Variants in GNG7 observed in about 807,000 individuals in gnomAD.
GNG7 encodes guanine nucleotide-binding protein G(I)/G(S)/G(O) subunit gamma-7.
In GNG7, 1 loss-of-function variant was observed where a neutral mutation model predicts 4.0. That is an observed-to-expected ratio of 0.25 (90% CI 0.09 to 1.18). The LOEUF is 1.18. Among genes scored for constraint, GNG7 ranks in the 50% most tolerant of loss-of-function variants. GNG7 has a pLI of 0.50. For synonymous variants in GNG7, 34 were observed against 36.9 expected (o/e 0.92, Z 0.29); for missense variants, 86 against 91.9 (o/e 0.94, Z 0.26).
intron 1 of GNG7, chr19:2,683,563 T>A (rs1005444810): frequency 1.3e-5 from 2 of 152,270 alleles, no homozygotes; most frequent in African/African-American, 4.8e-5. Context: ...ATGCAGGCTC[T>A]GATAAAGACT....
At chr19:2,599,284 T>C (rs1350874930) in intron 2 of GNG7, among the ~76,000 whole-genome samples, 3 of 151,996 alleles carry the variant, frequency 2.0e-5, no homozygotes, top group Non-Finnish European at 4.4e-5. Context: ...TGCTTGAGTA[T>C]CTCGAAGATC....
rs1020628863 is a variant in GNG7 at position 2,618,857 on chromosome 19, C to T, written c.-78+27367G>A. On this transcript the variant is annotated intron_variant, in intron 2 of 4. Coordinates refer to ENST00000382159, the MANE Select transcript of GNG7 (RefSeq NM_052847.3). This position sits in a 1 kb window ranked among gnomAD's most constrained non-coding sequence, Gnocchi z 5.1. ...GCGATTCAGCTTCCCTCAGTTTTCC[C>T]CTCACGACCTTTCCTGCCCCATTGT... 9.9e-5 allele frequency among the ~76,000 whole-genome samples: 15 copies of T among 152,046 alleles called. No individual in the cohort carries two copies.
At chr19:2,680,574 T>A (rs1164953067) in intron 1 of GNG7, among the ~76,000 whole-genome samples, 3 of 144,490 alleles carry the variant, frequency 2.1e-5, no homozygotes, top group African/African-American at 8.2e-5. Context: ...ATTTACAATT[T>A]TTTTTTTTTT....
At chr19:2,579,055 A>G (rs1980424895) in intron 2 of GNG7, among the ~76,000 whole-genome samples, 2 of 152,158 alleles carry the variant, frequency 1.3e-5, no homozygotes, top group South Asian at 4.1e-4. Context: ...AAAACATCCC[A>G]AGAATGCACA....
intron 2 of GNG7, among the ~76,000 whole-genome samples, chr19:2,596,000 G>A (rs1981007753): frequency 6.6e-6 from 1 of 152,022 alleles, no homozygotes. Context: ...CTGCATGCTT[G>A]TTACTCTACT....
chr19:2,512,626 G>A lies in GNG7; in HGVS notation c.*2396C>T, dbSNP rs576208008. On this transcript the variant is annotated 3_prime_UTR_variant, in exon 5 of 5. Transcript: ENST00000382159. This position sits in a 1 kb window ranked among gnomAD's most constrained non-coding sequence, Gnocchi z 4.7. ...GGGCTGCGTCTCTGCAGCAGCCTCC[G>A]TTCCCTGCTGGCATTTCTGGGGTCA... 1.7e-4 allele frequency: 27 copies of A among 162,462 alleles called. No individual in the cohort carries two copies. The highest frequency in any genetic ancestry group is 9.1e-4 in the Admixed American group (14 of 15,310). 10.1% of individuals were successfully genotyped at this position (162,462 alleles called of 1,614,324 possible).
chr19:2,615,453 G>A (rs867595722), intron 2 of GNG7, among the ~76,000 whole-genome samples: 13 of 112,772 alleles, frequency 1.2e-4, no homozygotes, highest in African/African-American at 4.1e-4. Context: ...TGTCTTTTCC[G>A]GTTTTTTTTT....
At chr19:2,566,207 G>T (rs1160885634) in intron 2 of GNG7, among the ~76,000 whole-genome samples, 1 of 152,048 alleles carries the variant, frequency 6.6e-6, no homozygotes, top group Non-Finnish European at 1.5e-5. Context: ...GGGACATTTG[G>T]ACACAGATGC....
intron 3 of GNG7, among the ~76,000 whole-genome samples, chr19:2,552,938 A>G (rs1979380917): frequency 6.7e-6 from 1 of 148,800 alleles, no homozygotes; most frequent in Non-Finnish European, 1.5e-5. Context: ...CTGCTGCCTT[A>G]AGGAACCAGA....
At chr19:2,569,098 C>T (rs1194034522) in intron 2 of GNG7, among the ~76,000 whole-genome samples, 1 of 152,022 alleles carries the variant, frequency 6.6e-6, no homozygotes, top group African/African-American at 2.4e-5. Flanking sequence ...CACACACATA[C>T]ACACAAATGC....
chr19:2,614,044 G>A lies in GNG7; in HGVS notation c.-78+32180C>T, dbSNP rs189381799. Among the ~76,000 whole-genome samples the A allele has an allele frequency of 9.9e-4, 151 of 152,306 alleles. No individual in the cohort carries two copies. Among genetic ancestry groups the A allele is most frequent in the Admixed American group, 1.8e-3 (28 of 15,296 alleles). ...TCCACCCAGGGAACTCGGGCCCCGC[G>A]CCTACCCCCGGGGTAAAGGGGGCCA... On this transcript the variant is annotated intron_variant, in intron 2 of 4. Transcript: ENST00000382159. This position sits in a 1 kb window ranked among gnomAD's most constrained non-coding sequence, Gnocchi z 6.0.
At chr19:2,544,241 C>T (rs533230767) in intron 3 of GNG7, among the ~76,000 whole-genome samples, 4 of 152,300 alleles carry the variant, frequency 2.6e-5, no homozygotes, top group Non-Finnish European at 4.4e-5. Flanking sequence ...GAAGAGAAGG[C>T]TCCGAGGCAC....
chr19:2,658,535 T>C (rs1421584565), intron 1 of GNG7, among the ~76,000 whole-genome samples: 1 of 149,652 alleles, frequency 6.7e-6, no homozygotes, highest in Non-Finnish European at 1.5e-5. Flanking sequence ...GAGAGATGAA[T>C]GGATAAACAC....
At chr19:2,688,788 G>A (rs759313173) in intron 1 of GNG7, among the ~76,000 whole-genome samples, 12 of 152,096 alleles carry the variant, frequency 7.9e-5, no homozygotes, top group Non-Finnish European at 8.8e-5. Context: ...ATTGTTAGCC[G>A]GGCACAGTGG....
intron 3 of GNG7, among the ~76,000 whole-genome samples, chr19:2,541,728 C>G (rs2144748149): frequency 7.3e-6 from 1 of 137,894 alleles, no homozygotes; most frequent in South Asian, 2.3e-4. Flanking sequence ...GGCGACACAG[C>G]AAGACTCCAT....
chr19:2,691,608 TG>T (rs1405058250), intron 1 of GNG7, among the ~76,000 whole-genome samples: 1 of 151,524 alleles, frequency 6.6e-6, no homozygotes, highest in East Asian at 1.9e-4. Context: ...GGCTCACGCC[TG>T]TAATCCCAGC....
At chr19:2,521,199 G>C (rs1978306637) in intron 3 of GNG7, among the ~76,000 whole-genome samples, 4 of 151,982 alleles carry the variant, frequency 2.6e-5, no homozygotes, top group Admixed American at 2.6e-4. Context: ...CCGGGAGGTG[G>C]AGCTTGCAGT....
chr19:2,693,057 G>A, intron 1 of GNG7, among the ~76,000 whole-genome samples: 1 of 151,862 alleles, frequency 6.6e-6, no homozygotes, highest in Non-Finnish European at 1.5e-5. Context: ...TTGGGAGTCT[G>A]AAGTGGGTGG....
At chr19:2,697,555 A>T (rs1913295928) in intron 1 of GNG7, among the ~76,000 whole-genome samples, 1 of 152,224 alleles carries the variant, frequency 6.6e-6, no homozygotes, top group Non-Finnish European at 1.5e-5. Flanking sequence ...GCCAGGCCAA[A>T]GAGTGCATGT....
Sources: allele counts gnomAD v4.1 joint callset (sites outside exome capture counted in the v4.1 genomes callset), GRCh38; gene constraint gnomAD v4.1.1; non-coding constraint Gnocchi (gnomAD v3.1); transcripts MANE v1.5; gene names NCBI Gene and HGNC (gene_info 2026-07-23, HGNC 2026-07-21).